The following PTBP1 variants were observed in gnomAD, a reference collection of about 807,000 sequenced individuals.
PTBP1 encodes the protein polypyrimidine tract-binding protein 1.
Under a neutral mutation model 59.8 loss-of-function variants are expected in PTBP1, and 8 were observed. The ratio of observed to expected loss-of-function variants is 0.13; its 90% CI spans 0.08 to 0.24. PTBP1 has a LOEUF of 0.24. PTBP1 is among the 10% of genes least tolerant of loss of function. PTBP1 has a pLI of 1.00. For missense variants in PTBP1, 686 were observed against 767.0 expected, an observed-to-expected ratio of 0.89 and a Z score of 1.25; for synonymous variants, 490 against 320.7, an observed-to-expected ratio of 1.53 and a Z score of -5.64.
chr19:808,160 C>T lies in PTBP1; in HGVS notation c.1154-200C>T, dbSNP rs2145023598. 3.1e-6 allele frequency: 2 copies of T among 638,614 alleles called. No homozygotes were observed. The highest frequency in any genetic ancestry group is 2.8e-6 in the Non-Finnish European group (1 of 357,118). The allele number at this position is 638,614 out of a possible 1,614,324, so 39.6% of individuals were successfully genotyped here. A position where few individuals can be genotyped will look rare whatever the true frequency, so the allele number is the denominator to read the frequency against. On this transcript the variant is annotated intron_variant, in intron 11 of 14. Coordinates refer to ENST00000356948, the MANE Select transcript of PTBP1 (RefSeq NM_002819.5). The surrounding 1 kb of genome is among the most constrained non-coding windows in gnomAD (Gnocchi z 4.7). ...GGCCACCCGCTGGCAGCTTACCTGT[C>T]CTGGATGCTATGACTTTGCTGAACG...
intron 9 of PTBP1, 132 bp from the exon 10 acceptor site, chr19:806,276 G>C: frequency 1.9e-6 from 2 of 1,079,252 alleles, no homozygotes; most frequent in Non-Finnish European, 2.5e-6. Flanking sequence ...AGGCACCCAG[G>C]GTAGGGCCAG....
Position 808,013 on chromosome 19 carries a change from C to G in PTBP1, c.1153+111C>G. On this transcript the variant is annotated intron_variant, in intron 11 of 14. Coordinates refer to ENST00000356948, the MANE Select transcript of PTBP1 (RefSeq NM_002819.5). The surrounding 1 kb of genome is among the most constrained non-coding windows in gnomAD (Gnocchi z 4.7). Reference sequence around the variant, plus strand: ...TTGGCACTCTGATGCTCCGTGGCATCCGCCTCGTTTTATGGTTTGCTTTCG... The same window carrying G: ...TTGGCACTCTGATGCTCCGTGGCATGCGCCTCGTTTTATGGTTTGCTTTCG... 9.9e-7 allele frequency: 1 copy of G among 1,009,144 alleles called. No homozygotes were observed. The highest frequency in any genetic ancestry group is 1.6e-6 in the Non-Finnish European group (1 of 636,410). The allele number at this position is 1,009,144 out of a possible 1,614,324, so 62.5% of individuals were successfully genotyped here.
Position 811,130 on chromosome 19 carries a change from G to C in PTBP1, c.*304G>C, listed in dbSNP as rs562038406. The C allele has an allele frequency of 3.2e-4, 88 of 277,028 alleles. No individual in the cohort carries two copies. The highest frequency in any genetic ancestry group is 1.7e-3 in the African/African-American group (79 of 45,502). 17.2% of individuals were successfully genotyped at this position (277,028 alleles called of 1,614,324 possible). A position where few individuals can be genotyped will look rare whatever the true frequency, so the allele number is the denominator to read the frequency against. On this transcript the variant is annotated 3_prime_UTR_variant, in exon 15 of 15. Transcript: ENST00000356948. ...TCGGGCGTGGGGCCTGCAGGTGGGC[G>C]CCCCGACCACGACTTGGCTTCCTTG...
chr19:799,524 C>A, intron 2 of PTBP1, 81 bp downstream of exon 2: 1 of 1,425,416 alleles, frequency 7.0e-7, no homozygotes, highest in Non-Finnish European at 9.9e-7. Context: ...AGCGCTGTTG[C>A]GTTGGCTAGA....
chr19:803,093 G>A (rs1232350178), intron 2 of PTBP1, among the ~76,000 whole-genome samples: 1 of 152,306 alleles, frequency 6.6e-6, no homozygotes, highest in Admixed American at 6.5e-5. Context: ...GTTCTCTTGC[G>A]AGGCCACCAG....
At chr19:804,777 C>T (rs1481040572) in intron 6 of PTBP1, 52 bp from the exon 7 acceptor site, 10 of 1,607,042 alleles carry the variant, frequency 6.2e-6, no homozygotes, top group Non-Finnish European at 8.5e-6. Flanking sequence ...AGGGGCCTGG[C>T]AGGGCTGGTG....
Position 808,316 on chromosome 19 carries a change from G to T in PTBP1, c.1154-44G>T. ...CCGGGGCTGACGGGGAGATGGGCGGGGCAGGCAGCAGGAGACTCAGGCCCC... is the reference window on the plus strand; with the variant it reads ...CCGGGGCTGACGGGGAGATGGGCGGTGCAGGCAGCAGGAGACTCAGGCCCC... On this transcript the variant is annotated intron_variant, in intron 11 of 14. Transcript: ENST00000356948. The surrounding 1 kb of genome is among the most constrained non-coding windows in gnomAD (Gnocchi z 4.7). The T allele has an allele frequency of 6.7e-7, 1 of 1,481,934 alleles. No individual in the cohort carries two copies. Among genetic ancestry groups the T allele is most frequent in the Non-Finnish European group, 9.2e-7 (1 of 1,082,672 alleles). The allele number at this position is 1,481,934 out of a possible 1,614,324, so 91.8% of individuals were successfully genotyped here.
At chr19:797,635 CCT>C (rs1407012326) in intron 1 of PTBP1, 130 bp downstream of exon 1, 5 of 508,064 alleles carry the variant, frequency 9.8e-6, no homozygotes, top group Non-Finnish European at 1.4e-5. Context: ...CTCTCCCCTT[CCT>C]CTCCGCGTGG....
Position 808,251 on chromosome 19 carries a change from CCCGG to C in PTBP1, c.1154-104_1154-101del. 7.3e-6 allele frequency: 7 copies of C among 955,688 alleles called. No individual in the cohort carries two copies. Among genetic ancestry groups the C allele is most frequent in the Non-Finnish European group, 1.1e-5 (7 of 620,156 alleles). 59.2% of individuals were successfully genotyped at this position (955,688 alleles called of 1,614,324 possible). On this transcript the variant is annotated intron_variant, in intron 11 of 14. Transcript: ENST00000356948. This position sits in a 1 kb window ranked among gnomAD's most constrained non-coding sequence, Gnocchi z 4.7. ...GCTCCGCAGTGGCCGATAAAGCAAA[CCCGG>C]CCGGGCTGAGCCGGGCCTTGTGGGG... is the stretch of plus-strand genomic sequence containing the variant.
chr19:809,803 G>T lies in PTBP1; in HGVS notation c.1464-740G>T, dbSNP rs2034769744. Among the ~76,000 whole-genome samples the T allele has an allele frequency of 2.0e-5, 3 of 152,314 alleles. No individual in the cohort carries two copies. In the South Asian group the frequency reaches 6.2e-4, roughly 32 times the overall value. On this transcript the variant is annotated intron_variant, in intron 13 of 14. Transcript: ENST00000356948. ...CAGCTCTTCCGGATTGGGAGGTTGA[G>T]GTGGGAGGTTCACTTCGCGCTCAGG...
intron 3 of PTBP1, 125 bp downstream of exon 3, chr19:803,761 C>T (rs1855355481): frequency 1.1e-6 from 1 of 918,814 alleles, no homozygotes; most frequent in Admixed American, 2.2e-5. Context: ...ACGCTACAGA[C>T]CCAGGTCCAA....
At chr19:807,768 C>T in intron 10 of PTBP1, 101 bp from the exon 11 acceptor site, 1 of 884,788 alleles carries the variant, frequency 1.1e-6, no homozygotes, top group East Asian at 2.4e-5. Flanking sequence ...CACTGCACGC[C>T]TGCGGGGACT....
At chr19:807,642 G>T in intron 10 of PTBP1, 1 of 485,572 alleles carries the variant, frequency 2.1e-6, no homozygotes, top group South Asian at 3.6e-5. Context: ...GTTGTTGCTT[G>T]AAACAAAACA....
rs117029789 is a variant in PTBP1 at position 810,398 on chromosome 19, G to C, written c.1464-145G>C. The C allele has an allele frequency of 1.1e-4, 73 of 637,598 alleles. 1 individual carries two copies. Among genetic ancestry groups the C allele is most frequent in the Non-Finnish European group, 1.7e-4 (62 of 369,792 alleles). The allele number at this position is 637,598 out of a possible 1,614,324, so 39.5% of individuals were successfully genotyped here. On this transcript the variant is annotated intron_variant, in intron 13 of 14. Transcript: ENST00000356948. ...AGCTGCTTCAGACCATTGTGGACAT[G>C]ATTTGATACCCCATTTCTGGGCTCC...
chr19:807,997 T>A (rs775489892), intron 11 of PTBP1, 95 bp downstream of exon 11: 2 of 1,134,262 alleles, frequency 1.8e-6, no homozygotes, highest in Non-Finnish European at 2.7e-6. Flanking sequence ...TTTGGCACTC[T>A]GATGCTCCGT....
At chr19:805,927 C>G (rs2034542993) in intron 9 of PTBP1, 1 of 314,954 alleles carries the variant, frequency 3.2e-6, no homozygotes. Context: ...CGAGGCTGAG[C>G]AGCATGACCG....
chr19:810,746 C>A lies in PTBP1; in HGVS notation c.1594C>A (p.Gln532Lys), dbSNP rs2034825229. The A allele has an allele frequency of 6.2e-7, 1 of 1,608,040 alleles. No homozygotes were observed. Among genetic ancestry groups the A allele is most frequent in the Non-Finnish European group, 8.5e-7 (1 of 1,178,352 alleles). Reference protein sequence around the residue: ...IQMGSVEEAVQALIDLHNHDL... With the variant: ...IQMGSVEEAVKALIDLHNHDL... ...GATGGGCTCCGTGGAGGAGGCGGTC[C>A]AGGCCCTCATTGACCTGCACAACCA... Residue 532 changes from glutamine to lysine, a missense_variant, in exon 15 of 15, where the codon CAG (glutamine) becomes AAG (lysine). Coordinates refer to ENST00000356948, the MANE Select transcript of PTBP1 (RefSeq NM_002819.5).
At chr19:798,189 G>T (rs1039889404) in intron 1 of PTBP1, among the ~76,000 whole-genome samples, 1 of 152,040 alleles carries the variant, frequency 6.6e-6, no homozygotes, top group Admixed American at 6.5e-5. Context: ...CTCCGCCCCG[G>T]GGCCGGAGGG....
At chr19:802,709 C>T (rs1034802483) in intron 2 of PTBP1, among the ~76,000 whole-genome samples, 3 of 152,318 alleles carry the variant, frequency 2.0e-5, no homozygotes, top group South Asian at 2.1e-4. Flanking sequence ...AACTAAGGGC[C>T]GTAACCAACG....
Sources: gnomAD v4.1 joint callset for allele counts (sites outside exome capture counted in the v4.1 genomes callset) on GRCh38, gnomAD v4.1.1 for gene constraint, Gnocchi (gnomAD v3.1) non-coding constraint, MANE v1.5 for transcripts, NCBI Gene and HGNC (gene_info 2026-07-23, HGNC 2026-07-21) for gene names.